Variants in NRXN3 observed in about 807,000 individuals in gnomAD.
The protein encoded by NRXN3 is neurexin 3.
A neutral mutation model predicts 137.6 loss-of-function variants in NRXN3; 32 were observed. The ratio of observed to expected loss-of-function variants is 0.23; its 90% CI spans 0.18 to 0.31. The LOEUF (loss-of-function observed/expected upper bound fraction) is 0.31, where lower values mean the gene tolerates loss of function less well. Ranked by LOEUF, NRXN3 falls within the 10% of genes least tolerant of loss-of-function variation. The pLI is 1.00. For missense variants in NRXN3, 1,574 were observed against 2,062.5 expected (o/e 0.76, Z 4.59); for synonymous variants, 798 against 784.5 (o/e 1.02, Z -0.29).
chr14:79,038,380 T>G lies in NRXN3; in HGVS notation c.3262+50239T>G, dbSNP rs570603281. On this transcript the variant is annotated intron_variant, in intron 15 of 20. Coordinates refer to ENST00000335750, the MANE Select transcript of NRXN3 (RefSeq NM_001330195.2). ...AGAAATTTTTATGTGAAATTGGGGT[T>G]GTTTTAGGCCACTAACCCAAAGATC... Among the ~76,000 whole-genome samples, 75 of 152,238 alleles carry G rather than the reference T, an allele frequency of 4.9e-4. 1 individual carries two copies. Among genetic ancestry groups the G allele is most frequent in the Middle Eastern group, 3.4e-3 (1 of 294 alleles).
chr14:79,165,512 TA>T (rs2061203010), intron 15 of NRXN3, among the ~76,000 whole-genome samples: 1 of 151,996 alleles, frequency 6.6e-6, no homozygotes, highest in Non-Finnish European at 1.5e-5. Context: ...AGCAAGAATC[TA>T]ACTTCCTGAT....
At chr14:79,805,347 A>G in intron 20 of NRXN3, 157 bp downstream of exon 20, 4 of 345,188 alleles carry the variant, frequency 1.2e-5, no homozygotes, top group Non-Finnish European at 2.1e-5. Flanking sequence ...TACATATATA[A>G]ATATTATATC....
intron 15 of NRXN3, among the ~76,000 whole-genome samples, chr14:79,284,291 A>G (rs1004256154): frequency 5.6e-5 from 8 of 143,442 alleles, no homozygotes; most frequent in African/African-American, 1.5e-4. Context: ...TGAGGTCAAG[A>G]GTTTGAGACC....
chr14:79,754,405 A>C (rs771520396), intron 19 of NRXN3, among the ~76,000 whole-genome samples: 8 of 150,074 alleles, frequency 5.3e-5, no homozygotes, highest in Non-Finnish European at 8.9e-5. Context: ...ATACTGTGCC[A>C]TTAGGGACTT....
chr14:79,520,359 A>G (rs2097051433), intron 16 of NRXN3, among the ~76,000 whole-genome samples: 1 of 152,146 alleles, frequency 6.6e-6, no homozygotes, highest in South Asian at 2.1e-4. Flanking sequence ...GGTTTGTTAC[A>G]TAGGTATACA....
intron 15 of NRXN3, among the ~76,000 whole-genome samples, chr14:79,435,904 G>T (rs1308802927): frequency 2.6e-5 from 4 of 152,020 alleles, no homozygotes; most frequent in Non-Finnish European, 5.9e-5. Flanking sequence ...AAAGTGCTAG[G>T]ATTACAGGCA....
At chr14:78,647,255 C>A (rs1355433517) in intron 5 of NRXN3, among the ~76,000 whole-genome samples, 1 of 152,216 alleles carries the variant, frequency 6.6e-6, no homozygotes, top group Admixed American at 6.5e-5. Flanking sequence ...TTAATCAGAG[C>A]AGCTAGAGGA....
chr14:79,202,346 T>C (rs2066157066), intron 15 of NRXN3, among the ~76,000 whole-genome samples: 1 of 152,092 alleles, frequency 6.6e-6, no homozygotes, highest in Non-Finnish European at 1.5e-5. Flanking sequence ...CATATCCTTG[T>C]TTTGTGGGAG....
At chr14:79,222,222 G>T (rs2069863893) in intron 15 of NRXN3, among the ~76,000 whole-genome samples, 1 of 152,170 alleles carries the variant, frequency 6.6e-6, no homozygotes, top group Non-Finnish European at 1.5e-5. Context: ...GCTTGGGATT[G>T]TCTTGGCTAT....
At chr14:78,436,536 G>C (rs2094072482) in intron 4 of NRXN3, among the ~76,000 whole-genome samples, 1 of 152,170 alleles carries the variant, frequency 6.6e-6, no homozygotes, top group Non-Finnish European at 1.5e-5. Context: ...GCTCTGTCCA[G>C]TGGAAATTTC....
intron 6 of NRXN3, among the ~76,000 whole-genome samples, chr14:78,684,567 G>A (rs1019730316): frequency 6.6e-6 from 1 of 152,158 alleles, no homozygotes; most frequent in African/African-American, 2.4e-5. Context: ...CATTTTGGGA[G>A]GCTGAGGCAG....
At chr14:79,610,064 T>C (rs2098080343) in intron 16 of NRXN3, among the ~76,000 whole-genome samples, 1 of 152,152 alleles carries the variant, frequency 6.6e-6, no homozygotes, top group South Asian at 2.1e-4. Flanking sequence ...AACCTGCACG[T>C]TCTGTACATG....
chr14:79,580,789 A>G (rs1273042494), intron 16 of NRXN3, among the ~76,000 whole-genome samples: 1 of 152,178 alleles, frequency 6.6e-6, no homozygotes, highest in African/African-American at 2.4e-5. Context: ...AAAAGAAAAC[A>G]AAAACAAACA....
Position 79,489,910 on chromosome 14 carries a change from G to A in NRXN3, c.3444+22508G>A, listed in dbSNP as rs371331623. Among the ~76,000 whole-genome samples, 3 of 151,608 alleles carry A rather than the reference G, an allele frequency of 2.0e-5. No homozygotes were observed. The East Asian group carries it at 5.8e-4, about 30-fold the overall frequency. On this transcript the variant is annotated intron_variant, in intron 16 of 20. Coordinates refer to ENST00000335750, the MANE Select transcript of NRXN3 (RefSeq NM_001330195.2). Reference sequence around the variant, plus strand: ...AAAAATTAGCCGGGCATGGTGGCAGGCACCTGTAGTCCCAGCTACTCGGGA... The same window carrying A: ...AAAAATTAGCCGGGCATGGTGGCAGACACCTGTAGTCCCAGCTACTCGGGA...
At chr14:78,856,684 G>T (rs146128712) in intron 10 of NRXN3, among the ~76,000 whole-genome samples, 2 of 152,006 alleles carry the variant, frequency 1.3e-5, no homozygotes, top group Admixed American at 6.6e-5. Context: ...GTGTCTTATG[G>T]ATAGGTAATA....
chr14:78,523,808 C>T (rs1223480353), intron 4 of NRXN3, among the ~76,000 whole-genome samples: 1 of 75,746 alleles, frequency 1.3e-5, no homozygotes, highest in African/African-American at 5.2e-5. Context: ...CAGAGCAAGA[C>T]TCTGTCTCAA....
At chr14:78,498,293 G>T (rs922913978) in intron 4 of NRXN3, among the ~76,000 whole-genome samples, 33 of 152,170 alleles carry the variant, frequency 2.2e-4, no homozygotes, top group Admixed American at 6.5e-4. Context: ...ATGATCCTCC[G>T]GCTGCTTCTG....
intron 1 of NRXN3, among the ~76,000 whole-genome samples, chr14:78,215,056 G>T (rs1439317584): frequency 6.6e-6 from 1 of 152,122 alleles, no homozygotes; most frequent in South Asian, 2.1e-4. Flanking sequence ...GTGAAAGAGT[G>T]CTCTTTTGTA....
intron 10 of NRXN3, among the ~76,000 whole-genome samples, chr14:78,939,439 G>C (rs1322675119): frequency 6.6e-6 from 1 of 152,172 alleles, no homozygotes; most frequent in Non-Finnish European, 1.5e-5. Context: ...CATCTACCTT[G>C]GTTCCCTCTC....
Sources: gnomAD v4.1 joint callset for allele counts (sites outside exome capture counted in the v4.1 genomes callset) on GRCh38, gnomAD v4.1.1 for gene constraint, MANE v1.5 for transcripts, NCBI Gene and HGNC (gene_info 2026-07-23, HGNC 2026-07-21) for gene names.